ANKH: variants seen among roughly 807,000 people sequenced by gnomAD.
ANKH encodes mineralization regulator ANKH.
A neutral mutation model predicts 49.0 loss-of-function variants in ANKH; 15 were observed. The ratio of observed to expected loss-of-function variants is 0.31; its 90% confidence interval spans 0.20 to 0.47. ANKH has a LOEUF of 0.47. ANKH is among the 20% of genes least tolerant of loss of function. ANKH has a pLI of 1.00. For synonymous variants in ANKH, 273 were observed against 260.0 expected (o/e 1.05, Z -0.48); for missense variants, 429 against 652.0 (o/e 0.66, Z 3.72).
At position 14,819,900 on chromosome 5, in the gene ANKH, T is replaced by TACACACACACAC. The variant is rs57977744; in HGVS notation, c.97-50721_97-50710dup. On this transcript the variant is annotated intron_variant, in intron 1 of 11. Coordinates refer to ENST00000284268, the MANE Select transcript of ANKH (RefSeq NM_054027.6). ...AACAACAACAACAACAACAAAAATATACACACACACACACACACACACACA... is the reference window on the plus strand; with the variant it reads ...AACAACAACAACAACAACAAAAATATACACACACACACACACACACACACACACACACACACA... Among the ~76,000 whole-genome samples the TACACACACACAC allele has an allele frequency of 1.5e-3, 218 of 145,514 alleles. 2 individuals are homozygous for TACACACACACAC. The highest frequency in any genetic ancestry group is 5.3e-3 in the African/African-American group (209 of 39,104).
rs1736961923 is a variant in ANKH at position 14,706,882 on chromosome 5, T to G, written c.*4315A>C. ...TTATATGAGAGCCATCAGAGGACTG[T>G]GTGTGAGGGCGATGTCTACAGAATG... On this transcript the variant is annotated 3_prime_UTR_variant, in exon 12 of 12. Transcript: ENST00000284268. The G allele has an allele frequency of 6.6e-6, 1 of 152,226 alleles. No individual in the cohort carries two copies. The highest frequency in any genetic ancestry group is 2.4e-5 in the African/African-American group (1 of 41,452). 9.4% of individuals were successfully genotyped at this position (152,226 alleles called of 1,614,324 possible). A position where few individuals can be genotyped will look rare whatever the true frequency, so the allele number is the denominator to read the frequency against.
chr5:14,754,592 T>TAA (rs1554003326), intron 4 of ANKH, among the ~76,000 whole-genome samples: 2 of 151,552 alleles, frequency 1.3e-5, no homozygotes, highest in African/African-American at 2.4e-5. Flanking sequence ...TGCTAGTATT[T>TAA]ACACACACAC....
rs925206696 is a variant in ANKH at position 14,713,984 on chromosome 5, G to A, written c.1142-317C>T. On this transcript the variant is annotated intron_variant, in intron 9 of 11. Transcript: ENST00000284268. This position sits in a 1 kb window ranked among gnomAD's most constrained non-coding sequence, Gnocchi z 4.4. ...CCAGTCCTGTCCCCACACTTGGCCAGCCTCGCCCTCTGATCATCTACCTCT... is the reference window on the plus strand; with the variant it reads ...CCAGTCCTGTCCCCACACTTGGCCAACCTCGCCCTCTGATCATCTACCTCT... Among the ~76,000 whole-genome samples, 6 of 152,258 alleles carry A rather than the reference G, an allele frequency of 3.9e-5. No homozygotes were observed. In the East Asian group the frequency reaches 1.2e-3, roughly 29 times the overall value.
At position 14,709,090 on chromosome 5, in the gene ANKH, T is replaced by C. The variant is rs25991; in HGVS notation, c.*2107A>G. ...TATGTTTTTAGTAGAGACAGGGTTT[T>C]GCCATGTTGGCCAGGCTGGTCTCAA... On this transcript the variant is annotated 3_prime_UTR_variant, in exon 12 of 12. Coordinates refer to ENST00000284268, the MANE Select transcript of ANKH (RefSeq NM_054027.6). The C allele has an allele frequency of 0.99, 151,181 of 152,256 alleles. 75,141 individuals carry two copies. The highest frequency in any genetic ancestry group is 1 in the Middle Eastern group (294 of 294). The allele number at this position is 152,256 out of a possible 1,614,324, so 9.4% of individuals were successfully genotyped here. A position where few individuals can be genotyped will look rare whatever the true frequency, so the allele number is the denominator to read the frequency against.
chr5:14,725,849 G>C lies in ANKH; in HGVS notation c.1012-9014C>G, dbSNP rs1737806598. Among the ~76,000 whole-genome samples, 1 of 152,312 alleles carries C rather than the reference G, an allele frequency of 6.6e-6. No individual in the cohort carries two copies. The highest frequency in any genetic ancestry group is 6.5e-5 in the Admixed American group (1 of 15,306). On this transcript the variant is annotated intron_variant, in intron 8 of 11. Transcript: ENST00000284268. The surrounding 1 kb of genome is among the most constrained non-coding windows in gnomAD (Gnocchi z 4.0). ...CAATCTCCGCTTCCCGGGTTCAAGA[G>C]ATTCTCCCGCCTCAGCCTCCTGAGT...
chr5:14,832,519 C>T (rs1741533861), intron 1 of ANKH, among the ~76,000 whole-genome samples: 1 of 152,154 alleles, frequency 6.6e-6, no homozygotes, highest in African/African-American at 2.4e-5. Flanking sequence ...AGATTACATT[C>T]AGTAAGTAAC....
rs149500624 is a variant in ANKH, at chr5:14,730,209, G to A, written c.1011+11618C>T. ...AGCCTCCAACCTAATCCCTTCTCCC[G>A]GACAAAGTTTCTCCCCAGAAGCTGG... is the stretch of plus-strand genomic sequence containing the variant. On this transcript the variant is annotated intron_variant, in intron 8 of 11. Transcript: ENST00000284268. Among the ~76,000 whole-genome samples, 63 of 152,248 alleles carry A rather than the reference G, an allele frequency of 4.1e-4. No homozygotes were observed. In the East Asian group the frequency reaches 0.011, roughly 27 times the overall value.
intron 8 of ANKH, among the ~76,000 whole-genome samples, chr5:14,723,134 G>A (rs74485565): frequency 0.011 from 1,638 of 152,060 alleles, 36 homozygotes; most frequent in African/African-American, 0.038. Flanking sequence ...TAGACATAAT[G>A]TGGTGTCTTG....
Position 14,716,851 on chromosome 5 carries a change from TCAAA to T in ANKH, c.1012-20_1012-17del, listed in dbSNP as rs1580002380. The stretch of plus-strand genomic sequence containing the variant: ...CGAAACAGAGCTGGGGAGAAAGACA[TCAAA>T]CAGGGTTGTGAGGAAAAAGTGTAAG... On this transcript the variant is annotated splice_polypyrimidine_tract_variant and intron_variant, in intron 8 of 11. Transcript: ENST00000284268. The T allele has an allele frequency of 1.9e-6, 3 of 1,613,284 alleles. No homozygotes were observed. The highest frequency in any genetic ancestry group is 1.7e-6 in the Non-Finnish European group (2 of 1,179,506).
intron 2 of ANKH, chr5:14,768,698 C>A (rs1739328066): frequency 3.0e-5 from 16 of 526,304 alleles, no homozygotes. Context: ...ATTTTATTGG[C>A]CTTACCAAAT....
At chr5:14,856,337 A>G (rs1233837164) in intron 1 of ANKH, among the ~76,000 whole-genome samples, 1 of 152,136 alleles carries the variant, frequency 6.6e-6, no homozygotes, top group Admixed American at 6.5e-5. Context: ...ACATACATGC[A>G]CCATTTCATA....
chr5:14,736,765 G>A (rs900751665), intron 8 of ANKH, among the ~76,000 whole-genome samples: 9 of 152,212 alleles, frequency 5.9e-5, no homozygotes, highest in African/African-American at 2.2e-4. Context: ...TAGTCGTGTA[G>A]TTCGTGCACT....
intron 8 of ANKH, among the ~76,000 whole-genome samples, chr5:14,721,387 C>T (rs1214432403): frequency 1.3e-5 from 2 of 152,158 alleles, no homozygotes; most frequent in South Asian, 2.1e-4. Flanking sequence ...ACTGGGTCTT[C>T]GCGGGGTATC....
intron 2 of ANKH, among the ~76,000 whole-genome samples, chr5:14,759,600 T>A (rs200210243): frequency 2.0e-5 from 3 of 148,880 alleles, no homozygotes; most frequent in African/African-American, 5.0e-5. Context: ...AAAAAAAAAA[T>A]TTAAAAATTA....
chr5:14,721,731 C>G (rs1054249614), intron 8 of ANKH, among the ~76,000 whole-genome samples: 2 of 151,942 alleles, frequency 1.3e-5, no homozygotes, highest in Non-Finnish European at 2.9e-5. Flanking sequence ...GAGATCGAGA[C>G]CATCCTGGCT....
intron 1 of ANKH, among the ~76,000 whole-genome samples, chr5:14,834,520 C>T (rs2126602582): frequency 6.6e-6 from 1 of 152,262 alleles, no homozygotes; most frequent in South Asian, 2.1e-4. Flanking sequence ...GTGGCTCATG[C>T]CTGTAATCCT....
intron 1 of ANKH, among the ~76,000 whole-genome samples, chr5:14,827,501 G>A (rs141495520): frequency 1.7e-3 from 256 of 152,278 alleles, no homozygotes; most frequent in African/African-American, 5.7e-3. Context: ...TGAGTGTTAC[G>A]CAGGGTCAGT....
intron 2 of ANKH, among the ~76,000 whole-genome samples, chr5:14,764,424 CTG>C (rs1323019854): frequency 6.6e-6 from 1 of 152,158 alleles, no homozygotes; most frequent in Non-Finnish European, 1.5e-5. Flanking sequence ...GAGAGTTCAG[CTG>C]TCCCAACAGA....
At chr5:14,712,556 G>A (rs933307334) in intron 11 of ANKH, among the ~76,000 whole-genome samples, 2 of 152,222 alleles carry the variant, frequency 1.3e-5, no homozygotes, top group Non-Finnish European at 2.9e-5. Flanking sequence ...CATGTCTGCG[G>A]GTCATTCCCC....
Sources: gnomAD v4.1 joint callset for allele counts (sites outside exome capture counted in the v4.1 genomes callset) on GRCh38, gnomAD v4.1.1 for gene constraint, Gnocchi (gnomAD v3.1) non-coding constraint, MANE v1.5 for transcripts, NCBI Gene and HGNC (gene_info 2026-07-23, HGNC 2026-07-21) for gene names.